JAKMIP3: variants seen among roughly 807,000 people sequenced by gnomAD.
JAKMIP3 encodes janus kinase and microtubule-interacting protein 3.
Under a neutral mutation model 118.5 loss-of-function variants are expected in JAKMIP3, and 58 were observed. The observed-to-expected ratio is 0.49, with a 90% CI of 0.40 to 0.61. JAKMIP3 has a LOEUF of 0.61. JAKMIP3 is among the 20% of genes least tolerant of loss of function. The pLI, the probability that JAKMIP3 is intolerant of heterozygous loss-of-function variation, is 0.00. For synonymous variants in JAKMIP3, 486 were observed against 451.2 expected, an observed-to-expected ratio of 1.08 and a Z score of -0.98; for missense variants, 950 against 1,109.0, an observed-to-expected ratio of 0.86 and a Z score of 2.04.
At chr10:132,096,655 T>A (rs1400697844) in intron 1 of JAKMIP3, among the ~76,000 whole-genome samples, 1 of 152,202 alleles carries the variant, frequency 6.6e-6, no homozygotes, top group Non-Finnish European at 1.5e-5. Flanking sequence ...TTTTTTAAGT[T>A]GTGGCCAGCC....
At chr10:132,103,469 C>A (rs2045399243) in intron 1 of JAKMIP3, among the ~76,000 whole-genome samples, 1 of 56,028 alleles carries the variant, frequency 1.8e-5, no homozygotes, top group Non-Finnish European at 3.3e-5. Flanking sequence ...GGGGGAGGAG[C>A]AGCTGGAGGG....
At chr10:132,131,020 AG>A (rs1564934082) in intron 3 of JAKMIP3, among the ~76,000 whole-genome samples, 1 of 151,370 alleles carries the variant, frequency 6.6e-6, no homozygotes, top group African/African-American at 2.4e-5. Context: ...GGCAGAGTGG[AG>A]GGGCATCTTC....
intron 1 of JAKMIP3, among the ~76,000 whole-genome samples, chr10:132,040,400 C>T (rs2037698049): frequency 6.6e-6 from 1 of 152,194 alleles, no homozygotes; most frequent in African/African-American, 2.4e-5. Context: ...GCCCTCCCCT[C>T]GCTCCGTATC....
chr10:132,132,624 C>T (rs547924893), intron 3 of JAKMIP3, among the ~76,000 whole-genome samples: 5 of 152,334 alleles, frequency 3.3e-5, no homozygotes, highest in South Asian at 2.1e-4. Flanking sequence ...CCTGGGCTGC[C>T]GTCTCACCCC....
At position 132,142,490 on chromosome 10, in the gene JAKMIP3, G is replaced by GCCCCTCTCCCCCGGCCCCTCTC. The variant is rs1224748195; in HGVS notation, c.1602+446_1602+447insTCTCCCCCGGCCCCTCTCCCCC. 1.3e-3 allele frequency among the ~76,000 whole-genome samples: 201 copies of GCCCCTCTCCCCCGGCCCCTCTC among 152,180 alleles called. 2 individuals carry two copies. Among genetic ancestry groups the GCCCCTCTCCCCCGGCCCCTCTC allele is most frequent in the African/African-American group, 4.7e-3 (196 of 41,480 alleles). ...ACAGGCTGTGCCTGCCCCGGCCCCGGCCCCGGCCCCTCTCCCCCGGCCTCC... is the reference window on the plus strand; with the variant it reads ...ACAGGCTGTGCCTGCCCCGGCCCCGGCCCCTCTCCCCCGGCCCCTCTCCCCCGGCCCCTCTCCCCCGGCCTCC... On this transcript the variant is annotated intron_variant, in intron 11 of 23. Transcript: ENST00000684848.
intron 1 of JAKMIP3, among the ~76,000 whole-genome samples, chr10:132,050,491 A>G (rs1022843855): frequency 3.3e-5 from 5 of 152,034 alleles, no homozygotes; most frequent in African/African-American, 1.2e-4. Context: ...TGGGGCCTGG[A>G]TTTGTTGCTT....
intron 1 of JAKMIP3, among the ~76,000 whole-genome samples, chr10:132,042,689 G>T (rs560859846): frequency 9.2e-5 from 14 of 152,144 alleles, no homozygotes; most frequent in Non-Finnish European, 1.6e-4. Context: ...GAGCAGCTTT[G>T]GAGAGCCCGT....
intron 2 of JAKMIP3, among the ~76,000 whole-genome samples, chr10:132,107,512 G>A (rs751378964): frequency 1.2e-4 from 18 of 152,198 alleles, no homozygotes; most frequent in East Asian, 1.9e-4. Flanking sequence ...AGAAGGCACC[G>A]GAGGAAAGGA....
intron 1 of JAKMIP3, among the ~76,000 whole-genome samples, chr10:132,082,864 C>G (rs531361269): frequency 6.6e-6 from 1 of 152,346 alleles, no homozygotes; most frequent in Non-Finnish European, 1.5e-5. Flanking sequence ...CCGCCTTGGC[C>G]GCCCAAAGTG....
intron 2 of JAKMIP3, among the ~76,000 whole-genome samples, chr10:132,114,845 GT>G (rs1324024725): frequency 2.0e-5 from 3 of 152,004 alleles, no homozygotes; most frequent in African/African-American, 7.3e-5. Context: ...AAAAGTGTTG[GT>G]TTTTTTGATA....
intron 2 of JAKMIP3, among the ~76,000 whole-genome samples, chr10:132,109,871 C>G (rs1043570435): frequency 3.3e-5 from 5 of 152,222 alleles, no homozygotes; most frequent in Non-Finnish European, 7.3e-5. Context: ...CAAACACTTG[C>G]ATAAGTCTTG....
intron 6 of JAKMIP3, 30 bp downstream of exon 6, chr10:132,136,106 C>T (rs536971047): frequency 5.6e-6 from 9 of 1,607,918 alleles, no homozygotes; most frequent in East Asian, 4.5e-5. Context: ...CACGGGGCCA[C>T]GGTCGCACCC....
At position 132,039,138 on chromosome 10, in the gene JAKMIP3, A is replaced by G. The variant is rs1490793570; in HGVS notation, c.-138+2400A>G. Reference sequence around the variant, plus strand: ...AACTCAGCATTCGAACCTCTGTCTCATTTTTAAAAATATTTAAACATTTTT... The same window carrying G: ...AACTCAGCATTCGAACCTCTGTCTCGTTTTTAAAAATATTTAAACATTTTT... On this transcript the variant is annotated intron_variant, in intron 1 of 23. Transcript: ENST00000657785. 4.6e-5 allele frequency among the ~76,000 whole-genome samples: 7 copies of G among 152,220 alleles called. No homozygotes were observed. The East Asian group carries it at 1.4e-3, about 29-fold the overall frequency.
chr10:132,060,672 T>C (rs1285025350), upstream of JAKMIP3, among the ~76,000 whole-genome samples: 1 of 152,112 alleles, frequency 6.6e-6, no homozygotes, highest in Non-Finnish European at 1.5e-5. Flanking sequence ...TGTAAAAGTA[T>C]AAAGATTGGA....
At chr10:132,071,785 T>C (rs1036055920) in intron 1 of JAKMIP3, among the ~76,000 whole-genome samples, 4 of 151,640 alleles carry the variant, frequency 2.6e-5, no homozygotes, top group Non-Finnish European at 5.9e-5. Flanking sequence ...TTTTCTTTCT[T>C]TCCTTCCTTC....
Position 132,113,602 on chromosome 10 carries a change from A to G in JAKMIP3, c.136-3475A>G, listed in dbSNP as rs1469146100. ...TGCTAATAGAGGAATTCCTCATCAT[A>G]GGGCTAAGAAAAGCCTGGGAAAGAG... On this transcript the variant is annotated intron_variant, in intron 2 of 23. Coordinates refer to ENST00000684848, the MANE Select transcript of JAKMIP3 (RefSeq NM_001323087.2). Among the ~76,000 whole-genome samples the G allele has an allele frequency of 2.0e-5, 3 of 152,388 alleles. No homozygotes were observed. In the East Asian group the frequency reaches 5.8e-4, roughly 29 times the overall value.
chr10:132,175,085 A>T (rs1002246831), intron 23 of JAKMIP3, among the ~76,000 whole-genome samples: 20 of 152,180 alleles, frequency 1.3e-4, no homozygotes, highest in Non-Finnish European at 2.9e-4. Flanking sequence ...AGTGTCATTT[A>T]AAGAGCAGAA....
chr10:132,170,772 C>T (rs1474483792), intron 23 of JAKMIP3, among the ~76,000 whole-genome samples: 6 of 152,302 alleles, frequency 3.9e-5, no homozygotes, highest in East Asian at 1.9e-4. Context: ...GGGTGGGCGC[C>T]GCTCCGCTCG....
chr10:132,097,133 A>C (rs1292500255), intron 1 of JAKMIP3, among the ~76,000 whole-genome samples: 4 of 152,242 alleles, frequency 2.6e-5, no homozygotes, highest in African/African-American at 9.6e-5. Context: ...AATACAGGCA[A>C]AGGTGTCGGG....
Sources: gnomAD v4.1 joint callset for allele counts (sites outside exome capture counted in the v4.1 genomes callset) on GRCh38, gnomAD v4.1.1 for gene constraint, MANE v1.5 for transcripts, NCBI Gene and HGNC (gene_info 2026-07-23, HGNC 2026-07-21) for gene names.